Variants in GRK3 observed in about 807,000 individuals in gnomAD.
GRK3 encodes adrenergic, beta, receptor kinase 2.
Under a neutral mutation model 95.7 loss-of-function variants are expected in GRK3, and 54 were observed. That is an observed-to-expected ratio of 0.56 (90% CI 0.45 to 0.71). GRK3 has a LOEUF of 0.71. Among genes scored for constraint, GRK3 ranks in the 30% least tolerant of loss-of-function variants. The probability of loss-of-function intolerance (pLI) is 0.00; values close to 1 mark genes in which losing one functional copy is unlikely to be tolerated. For synonymous variants in GRK3, 281 were observed against 290.8 expected (o/e 0.97, Z 0.34); for missense variants, 649 against 851.2 (o/e 0.76, Z 2.96).
chr22:25,703,443 T>C (rs1646164082), intron 13 of GRK3, 67 bp from the exon 14 acceptor site: 2 of 1,222,398 alleles, frequency 1.6e-6, no homozygotes, highest in Admixed American at 3.6e-5. Context: ...TACCCAAATA[T>C]TAGTCAGTGA....
intron 3 of GRK3, among the ~76,000 whole-genome samples, chr22:25,649,557 T>C (rs558317858): frequency 6.6e-6 from 1 of 152,300 alleles, no homozygotes; most frequent in Admixed American, 6.5e-5. Flanking sequence ...TTCCCCAAAG[T>C]CAGAATTGCT....
At chr22:25,712,769 C>T (rs1302497203) in intron 17 of GRK3, among the ~76,000 whole-genome samples, 1 of 152,210 alleles carries the variant, frequency 6.6e-6, no homozygotes, top group African/African-American at 2.4e-5. Flanking sequence ...ATAGTCAATG[C>T]TTGACAAACT....
chr22:25,713,115 A>G (rs1192880389), intron 17 of GRK3, among the ~76,000 whole-genome samples: 3 of 152,244 alleles, frequency 2.0e-5, no homozygotes, highest in East Asian at 3.8e-4. Flanking sequence ...AACAGTGTCT[A>G]TTAAACAGAG....
At chr22:25,647,020 CAAAAAAAAAA>C (rs1025786169) in intron 3 of GRK3, among the ~76,000 whole-genome samples, 1 of 54,018 alleles carries the variant, frequency 1.9e-5, no homozygotes, top group Admixed American at 2.1e-4. Flanking sequence ...GACTTTGTCT[CAAAAAAAAAA>C]AAAAAAAAAA....
At chr22:25,578,139 AT>A (rs147418914) in intron 1 of GRK3, among the ~76,000 whole-genome samples, 13 of 151,742 alleles carry the variant, frequency 8.6e-5, no homozygotes, top group South Asian at 2.1e-4. Flanking sequence ...GAAATTCATG[AT>A]TTTTTTTTCA....
intron 9 of GRK3, among the ~76,000 whole-genome samples, chr22:25,679,809 G>C (rs979774171): frequency 6.6e-6 from 1 of 152,126 alleles, no homozygotes; most frequent in Non-Finnish European, 1.5e-5. Context: ...GAATGAAACC[G>C]TAGATACTCC....
intron 1 of GRK3, among the ~76,000 whole-genome samples, chr22:25,586,790 G>T (rs1309253066): frequency 6.6e-6 from 1 of 152,270 alleles, no homozygotes; most frequent in African/African-American, 2.4e-5. Context: ...TGTGGCTGCA[G>T]TGTGAGAAAG....
chr22:25,631,657 C>G (rs780204846), intron 2 of GRK3, among the ~76,000 whole-genome samples: 1 of 152,130 alleles, frequency 6.6e-6, no homozygotes. Context: ...TTTTGACCAA[C>G]GCATAAAGTG....
At chr22:25,627,007 A>G (rs939896886) in intron 2 of GRK3, among the ~76,000 whole-genome samples, 2 of 152,196 alleles carry the variant, frequency 1.3e-5, no homozygotes, top group Non-Finnish European at 2.9e-5. Flanking sequence ...AAGGTTAGGG[A>G]CAGGGAAGAG....
intron 15 of GRK3, 135 bp from the exon 16 acceptor site, chr22:25,709,763 C>T (rs1470254495): frequency 3.0e-6 from 2 of 677,898 alleles, no homozygotes; most frequent in African/African-American, 1.8e-5. Flanking sequence ...TTGAAGGAAG[C>T]ATATTTGTTT....
chr22:25,627,039 C>G (rs2084632998), intron 2 of GRK3, among the ~76,000 whole-genome samples: 1 of 152,072 alleles, frequency 6.6e-6, no homozygotes, highest in Admixed American at 6.5e-5. Flanking sequence ...CATCTGGGGA[C>G]AGGTGTCATG....
At chr22:25,711,003 T>C in intron 16 of GRK3, 65 bp from the exon 17 acceptor site, 2 of 930,606 alleles carry the variant, frequency 2.1e-6, no homozygotes, top group Admixed American at 4.6e-5. Flanking sequence ...CTTTGTAGAA[T>C]GTTAGGTTGG....
At chr22:25,644,949 G>A (rs1028725120) in intron 3 of GRK3, among the ~76,000 whole-genome samples, 3 of 152,152 alleles carry the variant, frequency 2.0e-5, no homozygotes, top group African/African-American at 7.2e-5. Context: ...GCACCAAGGA[G>A]GACCAGTTAT....
At chr22:25,650,101 C>T (rs191110993) in intron 3 of GRK3, among the ~76,000 whole-genome samples, 3 of 152,030 alleles carry the variant, frequency 2.0e-5, no homozygotes, top group South Asian at 2.1e-4. Context: ...AAGTGATTCT[C>T]CTGCCTCAGC....
intron 2 of GRK3, among the ~76,000 whole-genome samples, chr22:25,609,676 G>T (rs759832299): frequency 6.6e-5 from 10 of 151,962 alleles, no homozygotes; most frequent in Non-Finnish European, 1.3e-4. Flanking sequence ...TCATTCTCAT[G>T]TATAAAGAAC....
intron 2 of GRK3, among the ~76,000 whole-genome samples, chr22:25,606,499 C>G (rs991529495): frequency 2.0e-5 from 3 of 152,192 alleles, no homozygotes; most frequent in African/African-American, 7.2e-5. Context: ...GTAAATGTGT[C>G]TGACACTCCA....
intron 9 of GRK3, among the ~76,000 whole-genome samples, chr22:25,682,667 G>A (rs574747761): frequency 2.6e-5 from 4 of 152,170 alleles, no homozygotes; most frequent in African/African-American, 9.7e-5. Flanking sequence ...TACACTTTAT[G>A]TAAAGAATCT....
intron 5 of GRK3, among the ~76,000 whole-genome samples, chr22:25,666,548 T>C (rs1013857769): frequency 3.9e-5 from 6 of 152,184 alleles, no homozygotes; most frequent in African/African-American, 1.4e-4. Context: ...GGGATAGTTC[T>C]GCAAGTTGGG....
chr22:25,725,238 T>G lies in GRK3; in HGVS notation c.*2788T>G, dbSNP rs987265739. 8.6e-5 allele frequency: 21 copies of G among 243,914 alleles called. No individual in the cohort carries two copies. The highest frequency in any genetic ancestry group is 1.1e-4 in the Non-Finnish European group (14 of 129,228). The allele number at this position is 243,914 out of a possible 1,614,324, so 15.1% of individuals were successfully genotyped here. A position where few individuals can be genotyped will look rare whatever the true frequency, so the allele number is the denominator to read the frequency against. On this transcript the variant is annotated 3_prime_UTR_variant, in exon 21 of 21. Transcript: ENST00000324198. ...TTAAAAAGGTCAAAATTCAGCCTATTTTTTTTCATTATTTTAGATTCCTGT... is the reference window on the plus strand; with the variant it reads ...TTAAAAAGGTCAAAATTCAGCCTATGTTTTTTCATTATTTTAGATTCCTGT...
Sources: allele counts gnomAD v4.1 joint callset (sites outside exome capture counted in the v4.1 genomes callset), GRCh38; gene constraint gnomAD v4.1.1; transcripts MANE v1.5; gene names NCBI Gene and HGNC (gene_info 2026-07-23, HGNC 2026-07-21).